Variants in OFD1 observed in about 807,000 individuals in gnomAD.
The protein encoded by OFD1 is OFD1 centriole and centriolar satellite protein, also known as centriole and centriolar satellite protein OFD1.
Under a neutral mutation model 81.4 loss-of-function variants are expected in OFD1, and 12 were observed. The ratio of observed to expected loss-of-function variants is 0.15; its 90% CI spans 0.09 to 0.24. The LOEUF is 0.24. Ranked by LOEUF, OFD1 falls within the 10% of genes least tolerant of loss-of-function variation. The pLI is 1.00. For synonymous variants in OFD1, 256 were observed against 263.7 expected, an observed-to-expected ratio of 0.97 and a Z score of 0.28; for missense variants, 685 against 733.9, an observed-to-expected ratio of 0.93 and a Z score of 0.77.
At chrX:13,734,723 T>C (rs980648635), upstream of OFD1, 4 of 1,012,457 alleles carry the variant, frequency 4.0e-6, no homozygotes, top group Non-Finnish European at 5.0e-6. Flanking sequence ...AAGGCTATAT[T>C]TAGCAGGTTT....
chrX:13,730,435 G>A (rs776051728), upstream of OFD1, among the ~76,000 whole-genome samples: 3 of 112,144 alleles, frequency 2.7e-5, no homozygotes, highest in South Asian at 1.1e-3. Flanking sequence ...TGGAGAGGAT[G>A]TGGAGAAATA....
chrX:13,757,215 A>G (rs1198914481), intron 13 of OFD1, among the ~76,000 whole-genome samples: 1 of 111,647 alleles, frequency 9.0e-6, no homozygotes, highest in Non-Finnish European at 1.9e-5. Context: ...GAATAAGTCA[A>G]CCTTTATTAA....
At chrX:13,718,511 G>A in the OFD1 span, among the ~76,000 whole-genome samples, 1,971 of 112,074 alleles carry the variant, frequency 0.018, 39 homozygotes, top group African/African-American at 0.061. Flanking sequence ...CCAACACAAG[G>A]GCAGTGGAGT....
At chrX:13,727,989 G>A in the OFD1 span, among the ~76,000 whole-genome samples, 10 of 111,735 alleles carry the variant, frequency 8.9e-5, no homozygotes, top group African/African-American at 2.9e-4. Flanking sequence ...CAAATAAACT[G>A]GAAAATCTAG....
At position 13,746,587 on chromosome X, in the gene OFD1, T is replaced by C. The variant is rs182102836; in HGVS notation, c.654+132T>C. ...GGATACTGTACTGTTGTGCAAATTT[T>C]TTTTTATTTCTGGTGACATTTGTTT... On this transcript the variant is annotated intron_variant, in intron 7 of 22. Coordinates refer to ENST00000340096, the MANE Select transcript of OFD1 (RefSeq NM_003611.3). The C allele has an allele frequency of 2.5e-3, 2,181 of 860,645 alleles. 6 individuals are homozygous for C. The highest frequency in any genetic ancestry group is 5.5e-3 in the Middle Eastern group (17 of 3,084). 70.9% of individuals were successfully genotyped at this position (860,645 alleles called of 1,213,427 possible).
intron 2 of OFD1, among the ~76,000 whole-genome samples, chrX:13,735,590 A>G (rs2046830022): frequency 8.9e-6 from 1 of 112,595 alleles, no homozygotes; most frequent in Admixed American, 9.4e-5. Context: ...TGAACTGACA[A>G]TAAGATAGGA....
At chrX:13,742,894 C>T (rs747188219) in intron 5 of OFD1, among the ~76,000 whole-genome samples, 156 of 111,376 alleles carry the variant, frequency 1.4e-3, no homozygotes, top group African/African-American at 4.6e-3. Context: ...CAAGAGTGAA[C>T]CTTAATGTTT....
chrX:13,731,204 A>T (rs929521594), upstream of OFD1, among the ~76,000 whole-genome samples: 1 of 112,434 alleles, frequency 8.9e-6, no homozygotes, highest in Non-Finnish European at 1.9e-5. Flanking sequence ...GAAAAATGCC[A>T]TATCATCCGC....
At chrX:13,763,692 C>T in intron 18 of OFD1, 53 bp from the exon 19 acceptor site, 1 of 1,022,409 alleles carries the variant, frequency 9.8e-7, no homozygotes, top group Non-Finnish European at 1.4e-6. Context: ...CACTGCCCTT[C>T]TTTGTCTTGG....
chrX:13,726,672 T>A, the OFD1 span, among the ~76,000 whole-genome samples: 11 of 111,914 alleles, frequency 9.8e-5, no homozygotes, highest in Non-Finnish European at 2.1e-4. Flanking sequence ...TAAAAGACCA[T>A]TGATGCTATG....
At chrX:13,766,403 G>C (rs1432889250) in intron 19 of OFD1, among the ~76,000 whole-genome samples, 2 of 111,797 alleles carry the variant, frequency 1.8e-5, no homozygotes, top group Non-Finnish European at 3.8e-5. Context: ...AGGGTAGAAA[G>C]AGCATGATCG....
chrX:13,767,942 T>G, intron 20 of OFD1, 112 bp from the exon 21 acceptor site: 1 of 735,904 alleles, frequency 1.4e-6, no homozygotes, highest in Non-Finnish European at 2.0e-6. Flanking sequence ...ATTAGTCCTC[T>G]GGCATACAGG....
At chrX:13,766,453 G>C (rs1449443161) in intron 19 of OFD1, among the ~76,000 whole-genome samples, 1 of 111,944 alleles carries the variant, frequency 8.9e-6, no homozygotes, top group African/African-American at 3.3e-5. Flanking sequence ...AGCTAGTGCT[G>C]TGGGGTTTCC....
At chrX:13,742,546 C>T (rs957759079) in intron 5 of OFD1, among the ~76,000 whole-genome samples, 6 of 111,856 alleles carry the variant, frequency 5.4e-5, no homozygotes, top group Non-Finnish European at 7.5e-5. Flanking sequence ...GTTTTTGAGA[C>T]GGAGTTTCAC....
At chrX:13,755,946 CTTT>C (rs34300430) in intron 12 of OFD1, among the ~76,000 whole-genome samples, 1,207 of 65,018 alleles carry the variant, frequency 0.019, 19 homozygotes, top group African/African-American at 0.064. Flanking sequence ...CTTTCTTTCC[CTTT>C]TTTTTTTTTT....
the OFD1 span, among the ~76,000 whole-genome samples, chrX:13,723,796 G>A: frequency 9.1e-6 from 1 of 110,407 alleles, no homozygotes; most frequent in Non-Finnish European, 1.9e-5. Flanking sequence ...TGAACAAGCA[G>A]AACAGTGGCC....
upstream of OFD1, chrX:13,734,233 A>G (rs1381775048): frequency 2.5e-6 from 1 of 402,702 alleles, no homozygotes. Context: ...AATGCACAGG[A>G]CAGCCTCCCA....
At chrX:13,766,660 T>A (rs1356181234) in intron 19 of OFD1, among the ~76,000 whole-genome samples, 1 of 110,674 alleles carries the variant, frequency 9.0e-6, no homozygotes, top group Non-Finnish European at 1.9e-5. Flanking sequence ...GTGGTGTGAT[T>A]TCTGTTCTGT....
In OFD1 at chrX:13,757,230, T is replaced by A. The variant is rs748105381; in HGVS notation, c.1412-430T>A. Among the ~76,000 whole-genome samples, 3 of 111,674 alleles carry A rather than the reference T, an allele frequency of 2.7e-5. No individual in the cohort carries two copies. In the South Asian group the frequency reaches 1.1e-3, roughly 42 times the overall value. On this transcript the variant is annotated intron_variant, in intron 13 of 22. Transcript: ENST00000340096. ...GAATAAGTCAACCTTTATTAAAGGG[T>A]TCTTAGATGACCTTGACCGTGAGAG... is the stretch of plus-strand genomic sequence containing the variant.
Sources: allele counts gnomAD v4.1 joint callset (sites outside exome capture counted in the v4.1 genomes callset), GRCh38; gene constraint gnomAD v4.1.1; transcripts MANE v1.5; gene names NCBI Gene and HGNC (gene_info 2026-07-23, HGNC 2026-07-21).